CNTN6: variants seen among roughly 807,000 people sequenced by gnomAD.
The protein encoded by CNTN6 is contactin-6.
Under a neutral mutation model 122.8 loss-of-function variants are expected in CNTN6, and 137 were observed. The observed-to-expected ratio is 1.12, with a 90% confidence interval of 0.97 to 1.29. The LOEUF is 1.29. Ranked by LOEUF, CNTN6 falls within the 50% of genes most tolerant of loss-of-function variation. The pLI, the probability that CNTN6 is intolerant of heterozygous loss-of-function variation, is 0.00. For synonymous variants in CNTN6, 570 were observed against 426.0 expected (o/e 1.34, Z -4.16); for missense variants, 1,634 against 1,223.4 (o/e 1.34, Z -5.01).
intron 4 of CNTN6, among the ~76,000 whole-genome samples, chr3:1,235,317 G>C (rs1290135440): frequency 6.6e-6 from 1 of 152,090 alleles, no homozygotes; most frequent in Non-Finnish European, 1.5e-5. Flanking sequence ...CATGTTATTT[G>C]ACAAACTGTT....
chr3:1,173,848 G>C (rs1446413380), intron 2 of CNTN6, among the ~76,000 whole-genome samples: 1 of 151,568 alleles, frequency 6.6e-6, no homozygotes, highest in Admixed American at 6.6e-5. Flanking sequence ...ACATGCTCCT[G>C]CACACCAGAG....
At chr3:1,149,393 A>T (rs2092791187) in intron 2 of CNTN6, among the ~76,000 whole-genome samples, 1 of 146,396 alleles carries the variant, frequency 6.8e-6, no homozygotes, top group Non-Finnish European at 1.5e-5. Context: ...ATTGACAGAC[A>T]TGCAGGAATA....
chr3:1,328,965 A>C (rs1407013086), intron 10 of CNTN6, among the ~76,000 whole-genome samples: 1 of 151,618 alleles, frequency 6.6e-6, no homozygotes, highest in South Asian at 2.1e-4. Context: ...ATTTATTTCA[A>C]TAGTATTTTA....
chr3:1,139,851 A>G (rs555394747), intron 1 of CNTN6, among the ~76,000 whole-genome samples: 1 of 152,304 alleles, frequency 6.6e-6, no homozygotes, highest in African/African-American at 2.4e-5. Flanking sequence ...TCAGCAGCGT[A>G]TGACTGGTTG....
intron 5 of CNTN6, among the ~76,000 whole-genome samples, chr3:1,294,667 T>C (rs937370280): frequency 6.6e-6 from 1 of 152,228 alleles, no homozygotes; most frequent in African/African-American, 2.4e-5. Context: ...GTTTATGCTC[T>C]TGATAGTTAC....
chr3:1,157,610 T>C (rs1371280894), intron 2 of CNTN6, among the ~76,000 whole-genome samples: 1 of 152,196 alleles, frequency 6.6e-6, no homozygotes, highest in African/African-American at 2.4e-5. Context: ...AACTTTTATT[T>C]TGTACTCATT....
intron 5 of CNTN6, among the ~76,000 whole-genome samples, chr3:1,284,724 T>C: frequency 6.6e-6 from 1 of 152,138 alleles, no homozygotes; most frequent in Admixed American, 6.5e-5. Context: ...ATGTTGCTAT[T>C]GTATATTCTA....
At chr3:1,260,689 TG>T (rs377244462) in intron 4 of CNTN6, among the ~76,000 whole-genome samples, 88 of 152,180 alleles carry the variant, frequency 5.8e-4, no homozygotes, top group African/African-American at 2.0e-3. Context: ...AATTGAATCA[TG>T]GGGGCGGTTA....
At chr3:1,336,058 A>G (rs962081829) in intron 11 of CNTN6, among the ~76,000 whole-genome samples, 1 of 100,586 alleles carries the variant, frequency 9.9e-6, no homozygotes, top group Non-Finnish European at 2.5e-5. Flanking sequence ...TCAAACAAAC[A>G]AACAAACAAC....
At chr3:1,390,398 T>C (rs372721078) in intron 20 of CNTN6, among the ~76,000 whole-genome samples, 7,670 of 145,024 alleles carry the variant, frequency 0.053, 376 homozygotes, top group African/African-American at 0.14. Context: ...ATCTCTGGGA[T>C]GCATTCAAAG....
At chr3:1,275,300 T>TA in intron 4 of CNTN6, among the ~76,000 whole-genome samples, 1 of 152,306 alleles carries the variant, frequency 6.6e-6, no homozygotes, top group Admixed American at 6.5e-5. Flanking sequence ...GACTGTGATC[T>TA]CCATGTCCTT....
At chr3:1,246,021 G>A (rs1451837816) in intron 4 of CNTN6, among the ~76,000 whole-genome samples, 3 of 152,162 alleles carry the variant, frequency 2.0e-5, no homozygotes, top group Non-Finnish European at 2.9e-5. Flanking sequence ...GAGGGCTGTA[G>A]GTTGGACAAG....
chr3:1,149,925 C>G (rs899378884), intron 2 of CNTN6, among the ~76,000 whole-genome samples: 1 of 152,130 alleles, frequency 6.6e-6, no homozygotes, highest in Non-Finnish European at 1.5e-5. Context: ...CTGAGAAATA[C>G]TCCAGCTCTT....
At chr3:1,191,572 TATCTTTGTA>T (rs1238465385) in intron 2 of CNTN6, among the ~76,000 whole-genome samples, 2 of 152,180 alleles carry the variant, frequency 1.3e-5, no homozygotes, top group Admixed American at 1.3e-4. Context: ...TGTTTATTCG[TATCTTTGTA>T]AAAACCTGTA....
rs1559298178 is a variant in CNTN6, at chr3:1,095,086, C to CT, written c.-83+1966_-83+1967insT. ...TGTAAGAATGGTTTCTTACTATACA[C>CT]CTTTTAAAAAATAAATAATAAATAT... On this transcript the variant is annotated intron_variant, in intron 1 of 22. Coordinates refer to ENST00000446702, the MANE Select transcript of CNTN6 (RefSeq NM_001289080.2). Among the ~76,000 whole-genome samples the CT allele has an allele frequency of 2.0e-5, 3 of 151,776 alleles. No individual in the cohort carries two copies. The South Asian group carries it at 6.2e-4, about 32-fold the overall frequency.
rs983732558 is a variant in CNTN6, at chr3:1,277,483, C to G, written c.359-930C>G. ...CAAGCAATTCTCATGCCTCAGCCTC[C>G]TGACATAGCTGGAATTACAGGCGTG... On this transcript the variant is annotated intron_variant, in intron 4 of 22. Transcript: ENST00000446702. 4.0e-5 allele frequency among the ~76,000 whole-genome samples: 6 copies of G among 149,852 alleles called. No homozygotes were observed. In the South Asian group the frequency reaches 6.4e-4, roughly 16 times the overall value.
At chr3:1,245,268 TATATATACACACAC>T (rs1488189819) in intron 4 of CNTN6, among the ~76,000 whole-genome samples, 2 of 5,628 alleles carry the variant, frequency 3.6e-4, no homozygotes, top group African/African-American at 1.0e-3. Context: ...CATATATATA[TATATATACACACAC>T]ATATATATAT....
At position 1,298,624 on chromosome 3, in the gene CNTN6, T is replaced by C. The variant is rs191846412; in HGVS notation, c.761+633T>C. On this transcript the variant is annotated intron_variant, in intron 7 of 22. Coordinates refer to ENST00000446702, the MANE Select transcript of CNTN6 (RefSeq NM_001289080.2). ...AACCCCTCTTTGCTTTTTGGAGGTA[T>C]ACAAATTTCATTTTTGTGCCTATAA... Among the ~76,000 whole-genome samples, 23 of 152,270 alleles carry C rather than the reference T, an allele frequency of 1.5e-4. No individual in the cohort carries two copies. In the East Asian group the frequency reaches 4.4e-3, roughly 29 times the overall value.
chr3:1,356,627 A>C (rs535502315), intron 12 of CNTN6, among the ~76,000 whole-genome samples: 1 of 151,824 alleles, frequency 6.6e-6, no homozygotes, highest in Non-Finnish European at 1.5e-5. Flanking sequence ...AAATGACAAG[A>C]TGTATTGGAA....
Sources: gnomAD v4.1 joint callset for allele counts (sites outside exome capture counted in the v4.1 genomes callset) on GRCh38, gnomAD v4.1.1 for gene constraint, MANE v1.5 for transcripts, NCBI Gene and HGNC (gene_info 2026-07-23, HGNC 2026-07-21) for gene names.